TSPAN9: variants seen among roughly 807,000 people sequenced by gnomAD.
The protein encoded by TSPAN9 is tetraspanin-9.
TSPAN9 carries 16 observed loss-of-function variants against 31.0 expected under a neutral mutation model. That is an observed-to-expected ratio of 0.52 (90% CI 0.35 to 0.78). TSPAN9 has a LOEUF of 0.78. Ranked by LOEUF, TSPAN9 falls within the 30% of genes least tolerant of loss-of-function variation. The probability of loss-of-function intolerance (pLI) is 0.01; values close to 1 mark genes in which losing one functional copy is unlikely to be tolerated. For synonymous variants in TSPAN9, 145 were observed against 121.6 expected, an observed-to-expected ratio of 1.19 and a Z score of -1.27; for missense variants, 272 against 312.5, an observed-to-expected ratio of 0.87 and a Z score of 0.98.
At chr12:3,201,304 G>A (rs1026229212) in intron 3 of TSPAN9, 48 bp downstream of exon 3, 8 of 1,568,312 alleles carry the variant, frequency 5.1e-6, no homozygotes, top group Non-Finnish European at 7.0e-6. Context: ...TCCTCCTCTT[G>A]GCTTACCATA....
At chr12:3,259,215 C>T (rs12307438) in intron 3 of TSPAN9, among the ~76,000 whole-genome samples, 1 of 152,160 alleles carries the variant, frequency 6.6e-6, no homozygotes, top group Admixed American at 6.5e-5. Flanking sequence ...GAGTCCACCG[C>T]CTTCATAGCC....
intron 1 of TSPAN9, among the ~76,000 whole-genome samples, chr12:3,081,315 G>A (rs951332641): frequency 1.3e-5 from 2 of 152,166 alleles, no homozygotes; most frequent in South Asian, 2.1e-4. Context: ...ATCTAATCCC[G>A]GTGCATTCGC....
intron 3 of TSPAN9, among the ~76,000 whole-genome samples, chr12:3,239,637 A>G (rs763591227): frequency 4.5e-4 from 68 of 152,072 alleles, no homozygotes; most frequent in Non-Finnish European, 8.4e-4. Context: ...CTGAGCTTTC[A>G]TTTGGTCTGA....
chr12:3,123,341 C>A (rs1237160515), intron 2 of TSPAN9, among the ~76,000 whole-genome samples: 1 of 152,196 alleles, frequency 6.6e-6, no homozygotes, highest in Non-Finnish European at 1.5e-5. Context: ...TTTGATTTCC[C>A]TGTAGCTTGT....
chr12:3,152,313 C>T (rs1360551036), intron 2 of TSPAN9, among the ~76,000 whole-genome samples: 1 of 152,264 alleles, frequency 6.6e-6, no homozygotes, highest in East Asian at 1.9e-4. Context: ...TCCTCCCTCA[C>T]CTGCCACAGG....
chr12:3,282,044 G>C (rs1025054456), intron 8 of TSPAN9: 3 of 702,480 alleles, frequency 4.3e-6, no homozygotes, highest in Non-Finnish European at 5.3e-6. Flanking sequence ...CTGTGGCCAG[G>C]CCCAGGCTGG....
chr12:3,126,673 C>T (rs11062517), intron 2 of TSPAN9, among the ~76,000 whole-genome samples: 90,154 of 151,852 alleles, frequency 0.59, 27,132 homozygotes, highest in Admixed American at 0.72. Context: ...CTTTGGGAGG[C>T]GGAGGCAGGA....
intron 2 of TSPAN9, among the ~76,000 whole-genome samples, chr12:3,089,452 A>G (rs1014049355): frequency 6.6e-6 from 1 of 151,006 alleles, no homozygotes; most frequent in Non-Finnish European, 1.5e-5. Context: ...ATGTGCCACC[A>G]CGCCTGGCTA....
At chr12:3,124,662 G>C (rs1375920322) in intron 2 of TSPAN9, 1 of 151,868 alleles carries the variant, frequency 6.6e-6, no homozygotes, top group Non-Finnish European at 1.5e-5. Context: ...CGCCTGCCTC[G>C]ACCTCCCAAA....
rs1229717199 is a variant in TSPAN9, at chr12:3,107,723, G to A, written c.-18+24004G>A. ...GTCCTCATTCTTCAGGCTCAGATGG[G>A]CTGTATTTTATTTATTTGTAAATTA... On this transcript the variant is annotated intron_variant, in intron 2 of 8. Transcript: ENST00000011898. The surrounding 1 kb of genome is among the most constrained non-coding windows in gnomAD (Gnocchi z 4.1). Among the ~76,000 whole-genome samples, 1 of 152,204 alleles carries A rather than the reference G, an allele frequency of 6.6e-6. No individual in the cohort carries two copies. The highest frequency in any genetic ancestry group is 1.5e-5 in the Non-Finnish European group (1 of 68,040).
chr12:3,174,074 CATTT>C (rs2098353624), intron 2 of TSPAN9: 1 of 152,368 alleles, frequency 6.6e-6, no homozygotes, highest in Admixed American at 6.5e-5. Flanking sequence ...CGTTCTCCCT[CATTT>C]GTTTGTTTGT....
chr12:3,239,063 C>A (rs2098395280), intron 3 of TSPAN9, among the ~76,000 whole-genome samples: 1 of 152,212 alleles, frequency 6.6e-6, no homozygotes. Flanking sequence ...CCTGATCATG[C>A]CTTCTGTTTT....
intron 3 of TSPAN9, among the ~76,000 whole-genome samples, chr12:3,248,966 C>A (rs895736549): frequency 2.6e-5 from 4 of 152,364 alleles, no homozygotes; most frequent in African/African-American, 9.6e-5. Context: ...TGAGGCCCCT[C>A]CTGTCCGTCC....
chr12:3,092,993 C>T (rs2098305668), intron 2 of TSPAN9, among the ~76,000 whole-genome samples: 1 of 152,248 alleles, frequency 6.6e-6, no homozygotes, highest in Non-Finnish European at 1.5e-5. Context: ...GGCTGGGCCT[C>T]TTCCTGCGAG....
intron 2 of TSPAN9, among the ~76,000 whole-genome samples, chr12:3,195,315 C>G (rs2098366520): frequency 6.6e-6 from 1 of 152,210 alleles, no homozygotes; most frequent in Admixed American, 6.5e-5. Flanking sequence ...GGCATTTACT[C>G]CAAAGCCCAC....
intron 2 of TSPAN9, among the ~76,000 whole-genome samples, chr12:3,119,115 G>A (rs1291488629): frequency 2.0e-5 from 3 of 152,146 alleles, no homozygotes; most frequent in Non-Finnish European, 4.4e-5. Context: ...TCCACAAATG[G>A]GTATTCTCCA....
chr12:3,086,624 G>A lies in TSPAN9; in HGVS notation c.-18+2905G>A, dbSNP rs534472473. ...GCCCCCTGAAATCCTCCCACCTGCT[G>A]GAGAGGCTTTGCTGTTATTGCAGGA... On this transcript the variant is annotated intron_variant, in intron 2 of 8. Coordinates refer to ENST00000011898, the MANE Select transcript of TSPAN9 (RefSeq NM_006675.5). Among the ~76,000 whole-genome samples the A allele has an allele frequency of 4.6e-5, 7 of 152,284 alleles. No homozygotes were observed. In the South Asian group the frequency reaches 1.5e-3, roughly 32 times the overall value.
At position 3,284,173 on chromosome 12, in the gene TSPAN9, C is replaced by T. The variant is rs1366640852; in HGVS notation, c.*1057C>T. On this transcript the variant is annotated 3_prime_UTR_variant, in exon 9 of 9. Transcript: ENST00000011898. Reference sequence around the variant, plus strand: ...GTGGGTATTCCCACAACAGGTTCTGCACACCCCAGTTATTTCACAGACATT... The same window carrying T: ...GTGGGTATTCCCACAACAGGTTCTGTACACCCCAGTTATTTCACAGACATT... 6.5e-6 allele frequency: 1 copy of T among 152,718 alleles called. No individual in the cohort carries two copies. The highest frequency in any genetic ancestry group is 1.5e-5 in the Non-Finnish European group (1 of 68,064). The allele number at this position is 152,718 out of a possible 1,614,324, so 9.5% of individuals were successfully genotyped here.
chr12:3,096,644 A>G (rs769100868), intron 2 of TSPAN9, among the ~76,000 whole-genome samples: 12 of 151,404 alleles, frequency 7.9e-5, no homozygotes, highest in Admixed American at 2.0e-4. Flanking sequence ...ACCCATCTTC[A>G]TATTGCAGGG....
Sources: gnomAD v4.1 joint callset for allele counts (sites outside exome capture counted in the v4.1 genomes callset) on GRCh38, gnomAD v4.1.1 for gene constraint, Gnocchi (gnomAD v3.1) non-coding constraint, MANE v1.5 for transcripts, NCBI Gene and HGNC (gene_info 2026-07-23, HGNC 2026-07-21) for gene names.